PCDHA13: variants seen among roughly 807,000 people sequenced by gnomAD.
PCDHA13 encodes protocadherin alpha-13.
Under a neutral mutation model 64.8 loss-of-function variants are expected in PCDHA13, and 54 were observed. That is an observed-to-expected ratio of 0.83 (90% CI 0.67 to 1.04). The LOEUF is 1.04. Among genes scored for constraint, PCDHA13 ranks in the 50% least tolerant of loss-of-function variants. The pLI, the probability that PCDHA13 is intolerant of heterozygous loss-of-function variation, is 0.00. For missense variants in PCDHA13, 1,248 were observed against 1,254.3 expected, an observed-to-expected ratio of 0.99 and a Z score of 0.08; for synonymous variants, 587 against 564.4, an observed-to-expected ratio of 1.04 and a Z score of -0.57.
chr5:140,905,304 C>T (rs1373391378), intron 1 of PCDHA13, among the ~76,000 whole-genome samples: 1 of 152,150 alleles, frequency 6.6e-6, no homozygotes, highest in Non-Finnish European at 1.5e-5. Flanking sequence ...GTCCTTTCCA[C>T]ACTTTGTGTT....
intron 1 of PCDHA13, among the ~76,000 whole-genome samples, chr5:140,937,338 C>T (rs1554211545): frequency 1.3e-5 from 2 of 151,992 alleles, no homozygotes; most frequent in Non-Finnish European, 2.9e-5. Flanking sequence ...CGCCCGGCTT[C>T]TTCCATTTAT....
intron 1 of PCDHA13, among the ~76,000 whole-genome samples, chr5:140,977,308 A>G (rs2096754925): frequency 6.6e-6 from 1 of 152,230 alleles, no homozygotes; most frequent in South Asian, 2.1e-4. Context: ...CAAGCTAACG[A>G]TAGTGCTCCT....
chr5:140,985,498 C>G (rs540282855), intron 3 of PCDHA13, among the ~76,000 whole-genome samples: 2 of 152,274 alleles, frequency 1.3e-5, no homozygotes, highest in African/African-American at 4.8e-5. Flanking sequence ...ATAGAGCCTG[C>G]CTTTCATTGA....
intron 1 of PCDHA13, among the ~76,000 whole-genome samples, chr5:140,961,843 G>T (rs1244708157): frequency 1.3e-5 from 2 of 151,972 alleles, no homozygotes; most frequent in Non-Finnish European, 2.9e-5. Flanking sequence ...CAGTGCCTTG[G>T]AAGATCATTT....
chr5:140,909,856 C>T (rs575107041), intron 1 of PCDHA13, among the ~76,000 whole-genome samples: 2 of 152,286 alleles, frequency 1.3e-5, no homozygotes, highest in South Asian at 2.1e-4. Context: ...TTTTCGGTCC[C>T]CTGGAGTCAA....
chr5:140,949,537 C>A (rs1359504503), intron 1 of PCDHA13, among the ~76,000 whole-genome samples: 1 of 151,692 alleles, frequency 6.6e-6, no homozygotes, highest in African/African-American at 2.4e-5. Flanking sequence ...CATAAAATAT[C>A]GATTTGTTGC....
intron 1 of PCDHA13, among the ~76,000 whole-genome samples, chr5:140,921,954 C>A (rs970694644): frequency 2.0e-5 from 3 of 151,586 alleles, no homozygotes; most frequent in African/African-American, 7.3e-5. Context: ...TGTAAAATCC[C>A]AGAAAACCAA....
rs10602499 is a variant in PCDHA13 at position 140,992,017 on chromosome 5, C to CTGTGTGTGTG, written c.2542+9482_2542+9491dup. Among the ~76,000 whole-genome samples, 121 of 145,620 alleles carry CTGTGTGTGTG rather than the reference C, an allele frequency of 8.3e-4. 2 individuals are homozygous for CTGTGTGTGTG. The highest frequency in any genetic ancestry group is 3.5e-3 in the Middle Eastern group (1 of 288). ...CTTTCATGTTCAGGCAGAGGTGGCT[C>CTGTGTGTGTG]TGTGTGTGTGTGTGTGTGTGTGTGT... On this transcript the variant is annotated intron_variant, in intron 3 of 3. Transcript: ENST00000289272.
At chr5:140,967,792 A>G (rs371669028) in intron 1 of PCDHA13, 4 of 1,614,212 alleles carry the variant, frequency 2.5e-6, no homozygotes, top group Non-Finnish European at 3.4e-6. Context: ...ACCGGGGTCC[A>G]GTGCCCATGG....
intron 1 of PCDHA13, among the ~76,000 whole-genome samples, chr5:140,919,658 T>C (rs1271844986): frequency 2.0e-5 from 3 of 152,230 alleles, no homozygotes; most frequent in Non-Finnish European, 2.9e-5. Context: ...GTTTACCATA[T>C]ATATTTTAGC....
chr5:140,895,920 C>T (rs1347672044), intron 1 of PCDHA13, among the ~76,000 whole-genome samples: 1 of 152,202 alleles, frequency 6.6e-6, no homozygotes, highest in African/African-American at 2.4e-5. Flanking sequence ...CAACAATTAT[C>T]CTGCCTCAGC....
chr5:140,934,429 T>C (rs1480259267), intron 1 of PCDHA13, among the ~76,000 whole-genome samples: 1 of 152,194 alleles, frequency 6.6e-6, no homozygotes, highest in African/African-American at 2.4e-5. Context: ...TCAATGCAAG[T>C]GTAAATATAG....
intron 1 of PCDHA13, among the ~76,000 whole-genome samples, chr5:140,950,799 G>C (rs1218789077): frequency 5.3e-5 from 8 of 151,796 alleles, no homozygotes; most frequent in African/African-American, 1.7e-4. Flanking sequence ...ATATTGTCTG[G>C]TTTTACCATA....
intron 1 of PCDHA13, among the ~76,000 whole-genome samples, chr5:140,920,824 C>T (rs537294471): frequency 3.4e-5 from 5 of 145,004 alleles, no homozygotes; most frequent in Admixed American, 1.4e-4. Context: ...AGCCTGGCGA[C>T]GGAGCAAGAC....
chr5:140,887,728 C>T (rs1313632263), intron 1 of PCDHA13, among the ~76,000 whole-genome samples: 1 of 151,970 alleles, frequency 6.6e-6, no homozygotes, highest in Non-Finnish European at 1.5e-5. Context: ...TTTTTCTTTC[C>T]TTCCATCCTT....
Position 140,883,535 on chromosome 5 carries a change from C to A in PCDHA13, c.1267C>A (p.Leu423Met). ...LDRESVSAYE[L>M]VVTARDGGSP... ...CCGCGAGAGCGTATCAGCCTATGAA[C>A]TGGTGGTGACCGCGCGGGACGGGGG... Residue 423 changes from leucine to methionine, a missense_variant, in exon 1 of 4, where the codon CTG becomes ATG. By Grantham distance (15) the Leu-to-Met change is conservative (BLOSUM62 2). Transcript: ENST00000289272. The A allele has an allele frequency of 6.2e-7, 1 of 1,614,248 alleles. No homozygotes were observed. Among genetic ancestry groups the A allele is most frequent in the South Asian group, 1.1e-5 (1 of 91,092 alleles).
At chr5:140,898,984 C>T (rs1237034997) in intron 1 of PCDHA13, among the ~76,000 whole-genome samples, 3 of 151,964 alleles carry the variant, frequency 2.0e-5, no homozygotes, top group Non-Finnish European at 4.4e-5. Flanking sequence ...TGATTTGGCT[C>T]TCTGTTTGTC....
At chr5:141,003,143 ACT>A (rs1162243146) in intron 3 of PCDHA13, among the ~76,000 whole-genome samples, 1 of 152,180 alleles carries the variant, frequency 6.6e-6, no homozygotes, top group East Asian at 1.9e-4. Context: ...CTTGGCAAAG[ACT>A]CTGACCTGAT....
intron 1 of PCDHA13, chr5:140,968,039 G>A (rs1016266543): frequency 1.7e-5 from 28 of 1,614,026 alleles, no homozygotes; most frequent in Non-Finnish European, 1.9e-5. Context: ...GGTGGTGAGC[G>A]GCCCACTGGA....
Sources: allele counts gnomAD v4.1 joint callset (sites outside exome capture counted in the v4.1 genomes callset), GRCh38; gene constraint gnomAD v4.1.1; transcripts MANE v1.5; gene names NCBI Gene and HGNC (gene_info 2026-07-23, HGNC 2026-07-21).